MMP2: variants seen among roughly 807,000 people sequenced by gnomAD.
MMP2 encodes matrix metallopeptidase 2, also known as 72 kDa type IV collagenase.
In MMP2, 39 loss-of-function variants were observed where a neutral mutation model predicts 74.8. That is an observed-to-expected ratio of 0.52 (90% confidence interval 0.40 to 0.68). The LOEUF is 0.68. MMP2 is among the 30% of genes least tolerant of loss of function. The probability of loss-of-function intolerance (pLI) is 0.00; values close to 1 mark genes in which losing one functional copy is unlikely to be tolerated. For missense variants in MMP2, 803 were observed against 878.3 expected (o/e 0.91, Z 1.08); for synonymous variants, 367 against 339.8 (o/e 1.08, Z -0.88).
At position 55,493,085 on chromosome 16, in the gene MMP2, A is replaced by T. The variant is rs1445095186; in HGVS notation, c.1337-73A>T. 3 of 1,582,326 alleles carry T rather than the reference A, an allele frequency of 1.9e-6. No homozygotes were observed. In the East Asian group the frequency reaches 6.8e-5, roughly 36 times the overall value. ...CTGACTCTTAGATGGTTGGGTGGGC[A>T]CCCCTGGGGGCTCACCCTAGTGGGG... On this transcript the variant is annotated intron_variant, in intron 8 of 12. Transcript: ENST00000219070.
rs1373863387 is a variant in MMP2 at position 55,485,595 on chromosome 16, A to T, written c.659-9A>T. Reference sequence around the variant, plus strand: ...AAGTCCAACCTCCCCCTTCCATGTCACTCTTTAGTGGTCCGTGTGAAGTAT... The same window carrying T: ...AAGTCCAACCTCCCCCTTCCATGTCTCTCTTTAGTGGTCCGTGTGAAGTAT... On this transcript the variant is annotated splice_polypyrimidine_tract_variant and intron_variant, in intron 4 of 12. Transcript: ENST00000219070. 5.6e-6 allele frequency: 9 copies of T among 1,613,524 alleles called. No homozygotes were observed. In the Admixed American group the frequency reaches 1.5e-4, roughly 27 times the overall value.
intron 5 of MMP2, chr16:55,486,581 A>G (rs1423757608): frequency 1.3e-5 from 2 of 152,102 alleles, no homozygotes; most frequent in African/African-American, 4.8e-5. Flanking sequence ...AAATCTTTTA[A>G]AATGGGGTAC....
At chr16:55,486,266 A>G (rs935052531) in intron 5 of MMP2, among the ~76,000 whole-genome samples, 7 of 151,580 alleles carry the variant, frequency 4.6e-5, no homozygotes, top group African/African-American at 7.3e-5. Context: ...GCGTACTCCA[A>G]CTGAGGAATT....
chr16:55,506,474 A>G lies in MMP2; in HGVS notation c.*1032A>G, dbSNP rs932870161. Reference sequence around the variant, plus strand: ...AGCAATTTTGTTGCTTTATTGTGGCATCTGTTCGAGGTTTGCTTCCTCTTT... The same window carrying G: ...AGCAATTTTGTTGCTTTATTGTGGCGTCTGTTCGAGGTTTGCTTCCTCTTT... On this transcript the variant is annotated 3_prime_UTR_variant, in exon 13 of 13. Transcript: ENST00000219070. 1 of 152,204 alleles carries G rather than the reference A, an allele frequency of 6.6e-6. No individual in the cohort carries two copies. Among genetic ancestry groups the G allele is most frequent in the Non-Finnish European group, 1.5e-5 (1 of 68,040 alleles). The allele number at this position is 152,204 out of a possible 1,614,324, so 9.4% of individuals were successfully genotyped here. A position where few individuals can be genotyped will look rare whatever the true frequency, so the allele number is the denominator to read the frequency against.
At chr16:55,497,308 T>C (rs1962555103) in intron 10 of MMP2, among the ~76,000 whole-genome samples, 1 of 147,778 alleles carries the variant, frequency 6.8e-6, no homozygotes, top group Non-Finnish European at 1.5e-5. Context: ...TTTTCTTAAT[T>C]CTTTTCAATC....
At chr16:55,489,933 C>T in intron 7 of MMP2, 109 bp downstream of exon 7, 1 of 1,280,976 alleles carries the variant, frequency 7.8e-7, no homozygotes, top group Non-Finnish European at 1.1e-6. Context: ...GACACTGCCC[C>T]CCAGACACCC....
chr16:55,481,199 A>G lies in MMP2; in HGVS notation c.153+1567A>G, dbSNP rs17859845. 2.1e-4 allele frequency among the ~76,000 whole-genome samples: 32 copies of G among 152,342 alleles called. 1 individual carries two copies. The South Asian group carries it at 6.2e-3, about 30-fold the overall frequency. On this transcript the variant is annotated intron_variant, in intron 1 of 12. Transcript: ENST00000219070. ...ATACATATGGTTATTTCTTGATTATATGCTAAACAAGGGGTGGATTATTTA... is the reference window on the plus strand; with the variant it reads ...ATACATATGGTTATTTCTTGATTATGTGCTAAACAAGGGGTGGATTATTTA...
At position 55,482,960 on chromosome 16, in the gene MMP2, G is replaced by C. The variant is rs778206855; in HGVS notation, c.205G>C (p.Val69Leu). 5 of 1,614,222 alleles carry C rather than the reference G, an allele frequency of 3.1e-6. 1 individual carries two copies. The South Asian group carries it at 5.5e-5, about 18-fold the overall frequency. Residue 69 changes from valine (V) to leucine (L), a missense_variant, in exon 2 of 13, where the codon GTG (valine) becomes CTG (leucine). This residue lies in a region of MMP2 where 223 missense variants were observed against 232.8 expected (regional missense o/e 0.96). Transcript: ENST00000219070. The stretch of plus-strand genomic sequence containing the variant: ...CCCCAAGGAGAGCTGCAACCTGTTT[G>C]TGCTGAAGGACACACTAAAGAAGAT... ...GCPKESCNLF[V>L]LKDTLKKMQK...
intron 1 of MMP2, 32 bp from the exon 2 acceptor site, chr16:55,482,877 C>CTAAT (rs1962140181): frequency 2.5e-6 from 4 of 1,584,992 alleles, no homozygotes; most frequent in Non-Finnish European, 3.5e-6. Context: ...CCTAATGTGG[C>CTAAT]TAATTGCCTT....
chr16:55,498,379 G>T lies in MMP2; in HGVS notation c.1700G>T (p.Arg567Leu). 2 of 1,614,244 alleles carry T rather than the reference G, an allele frequency of 1.2e-6. No homozygotes were observed. Among genetic ancestry groups the T allele is most frequent in the African/African-American group, 1.3e-5 (1 of 75,062 alleles). ...TSLGLPPDVQ[R>L]VDAAFNWSKN... is the part of the protein sequence containing the mutation. ...CTGGGACTGCCCCCTGATGTCCAGC[G>T]AGTGGATGCCGCCTTTAACTGGAGC... Residue 567 changes from arginine (R) to leucine (L), a missense_variant, in exon 11 of 13, where the codon CGA becomes CTA. Arg to Leu is a moderately radical substitution (Grantham distance 102, BLOSUM62 -2). Coordinates refer to ENST00000219070, the MANE Select transcript of MMP2 (RefSeq NM_004530.6).
In MMP2 at chr16:55,479,424, CCA is replaced by C. The variant is rs1962037933; in HGVS notation, c.-52_-51del. ...AGGCTCCAACCAGGCGGCGAGGCGGCCACACGCACCGAGCCAGCGACCCCCGG... is the reference window on the plus strand; with the variant it reads ...AGGCTCCAACCAGGCGGCGAGGCGGCCACGCACCGAGCCAGCGACCCCCGG... On this transcript the variant is annotated 5_prime_UTR_variant, in exon 1 of 13. Transcript: ENST00000219070. 3 of 1,410,556 alleles carry C rather than the reference CCA, an allele frequency of 2.1e-6. No homozygotes were observed. The highest frequency in any genetic ancestry group is 6.5e-5 in the Admixed American group (2 of 30,572). The allele number at this position is 1,410,556 out of a possible 1,614,324, so 87.4% of individuals were successfully genotyped here.
chr16:55,482,844 T>C, intron 1 of MMP2, 65 bp from the exon 2 acceptor site: 1 of 1,389,282 alleles, frequency 7.2e-7, no homozygotes, highest in South Asian at 1.2e-5. Context: ...TGCTACAGCC[T>C]GCTTTGGTCA....
At chr16:55,496,811 A>G in intron 9 of MMP2, 115 bp from the exon 10 acceptor site, 1 of 1,406,914 alleles carries the variant, frequency 7.1e-7, no homozygotes, top group Non-Finnish European at 9.9e-7. Context: ...CCTGCCTCCC[A>G]CTCCCATCAT....
rs574642562 is a variant in MMP2 at position 55,491,707 on chromosome 16, T to C, written c.1181-94T>C. ...AGGGTTCTCAGCCTTACTGTGGGGC[T>C]GTCCTCAAAAGTCTGCATCACTGGG... is the stretch of plus-strand genomic sequence containing the variant. On this transcript the variant is annotated intron_variant, in intron 7 of 12. Coordinates refer to ENST00000219070, the MANE Select transcript of MMP2 (RefSeq NM_004530.6). 5.6e-5 allele frequency: 78 copies of C among 1,396,426 alleles called. No homozygotes were observed. In the South Asian group the frequency reaches 8.0e-4, roughly 14 times the overall value. The allele number at this position is 1,396,426 out of a possible 1,614,324, so 86.5% of individuals were successfully genotyped here. A position where few individuals can be genotyped will look rare whatever the true frequency, so the allele number is the denominator to read the frequency against.
Position 55,479,330 on chromosome 16 carries a change from C to G in MMP2, c.-150C>G, listed in dbSNP as rs1282312314. The G allele has an allele frequency of 4.2e-6, 4 of 944,572 alleles. No homozygotes were observed. The highest frequency in any genetic ancestry group is 5.6e-6 in the Non-Finnish European group (4 of 720,206). 58.5% of individuals were successfully genotyped at this position (944,572 alleles called of 1,614,324 possible). ...GGGGCGCGGGGGCCGGACCATGAGC[C>G]GCTGAGCCGGGCAAACCCCAGGCCA... is the stretch of plus-strand genomic sequence containing the variant. On this transcript the variant is annotated 5_prime_UTR_variant, in exon 1 of 13. Transcript: ENST00000219070.
At chr16:55,502,621 A>G (rs1277936694) in intron 11 of MMP2, among the ~76,000 whole-genome samples, 158 bp from the exon 12 acceptor site, 1 of 152,294 alleles carries the variant, frequency 6.6e-6, no homozygotes, top group African/African-American at 2.4e-5. Context: ...GTCTGATTCC[A>G]TGCCCTTCCT....
chr16:55,493,565 A>G (rs1328472156), intron 9 of MMP2, among the ~76,000 whole-genome samples: 1 of 152,132 alleles, frequency 6.6e-6, no homozygotes, highest in Non-Finnish European at 1.5e-5. Context: ...TGTTGTTCTC[A>G]TGGGATTAGC....
At chr16:55,491,704 G>A in intron 7 of MMP2, 97 bp from the exon 8 acceptor site, 2 of 1,371,646 alleles carry the variant, frequency 1.5e-6, no homozygotes, top group Middle Eastern at 3.6e-4. Context: ...CTTACTGTGG[G>A]GCTGTCCTCA....
In MMP2 at chr16:55,495,928, C is replaced by T. The variant is rs542509321; in HGVS notation, c.1473-998C>T. Among the ~76,000 whole-genome samples the T allele has an allele frequency of 7.9e-5, 12 of 152,296 alleles. No individual in the cohort carries two copies. The East Asian group carries it at 1.2e-3, about 15-fold the overall frequency. Reference sequence around the variant, plus strand: ...CCAGGAAGCGAGAGAGAAAGAGACACGCACAGATACACACACACAGACCCC... The same window carrying T: ...CCAGGAAGCGAGAGAGAAAGAGACATGCACAGATACACACACACAGACCCC... On this transcript the variant is annotated intron_variant, in intron 9 of 12. Transcript: ENST00000219070.
Sources: allele counts gnomAD v4.1 joint callset (sites outside exome capture counted in the v4.1 genomes callset), GRCh38; gene constraint gnomAD v4.1.1; regional missense constraint gnomAD v4.1.1; transcripts MANE v1.5; gene names NCBI Gene and HGNC (gene_info 2026-07-23, HGNC 2026-07-21).